MORC3: variants seen among roughly 807,000 people sequenced by gnomAD.
MORC3 encodes MORC family CW-type zinc finger 3, also known as MORC family CW-type zinc finger protein 3.
In MORC3, 31 loss-of-function variants were observed where a neutral mutation model predicts 109.1. That is an observed-to-expected ratio of 0.28 (90% CI 0.21 to 0.38). MORC3 has a LOEUF of 0.38. Ranked by LOEUF, MORC3 falls within the 10% of genes least tolerant of loss-of-function variation. MORC3 has a pLI of 1.00. For synonymous variants in MORC3, 395 were observed against 380.7 expected (o/e 1.04, Z -0.44); for missense variants, 867 against 1,135.8 (o/e 0.76, Z 3.40).
At chr21:36,334,235 G>C (rs1244468096) in intron 2 of MORC3, among the ~76,000 whole-genome samples, 1 of 152,024 alleles carries the variant, frequency 6.6e-6, no homozygotes, top group East Asian at 1.9e-4. Context: ...AGCCTGGGCA[G>C]GCGACAAAGC....
chr21:36,355,059 T>G (rs2085630381), intron 9 of MORC3, among the ~76,000 whole-genome samples: 1 of 152,216 alleles, frequency 6.6e-6, no homozygotes, highest in South Asian at 2.1e-4. Flanking sequence ...CTTTCACAGC[T>G]TTTTCTGTAC....
intron 2 of MORC3, among the ~76,000 whole-genome samples, chr21:36,336,080 C>T (rs950484585): frequency 1.5e-4 from 23 of 151,034 alleles, no homozygotes; most frequent in African/African-American, 5.4e-4. Flanking sequence ...TGCCCGCCAC[C>T]ATGCCTGGCT....
chr21:36,349,148 ACT>A (rs2085544445), intron 8 of MORC3, among the ~76,000 whole-genome samples, 161 bp from the exon 9 acceptor site: 2 of 151,814 alleles, frequency 1.3e-5, no homozygotes, highest in South Asian at 2.1e-4. Context: ...ACCAAATGAG[ACT>A]CTGTCTCAAA....
chr21:36,366,624 T>C (rs1427780806), intron 14 of MORC3, among the ~76,000 whole-genome samples: 1 of 152,092 alleles, frequency 6.6e-6, no homozygotes, highest in African/African-American at 2.4e-5. Flanking sequence ...CCTGCTAATT[T>C]ATTGTGTTGT....
intron 9 of MORC3, among the ~76,000 whole-genome samples, chr21:36,356,416 A>T (rs554069140): frequency 3.3e-5 from 5 of 152,170 alleles, no homozygotes; most frequent in South Asian, 4.1e-4. Flanking sequence ...TCTCTAAAAA[A>T]TTTTCTAATT....
chr21:36,350,243 G>A (rs1421891971), intron 9 of MORC3, among the ~76,000 whole-genome samples: 1 of 152,088 alleles, frequency 6.6e-6, no homozygotes, highest in Non-Finnish European at 1.5e-5. Context: ...GGAAGGTGGA[G>A]TGTGCAGTGA....
At chr21:36,328,337 C>T (rs111476277) in intron 1 of MORC3, among the ~76,000 whole-genome samples, 8,467 of 149,900 alleles carry the variant, frequency 0.056, 810 homozygotes, top group African/African-American at 0.19. Flanking sequence ...TAAGCCCCCC[C>T]CCGCCTTTTT....
At chr21:36,354,593 G>T (rs950513722) in intron 9 of MORC3, among the ~76,000 whole-genome samples, 1 of 152,086 alleles carries the variant, frequency 6.6e-6, no homozygotes, top group Admixed American at 6.6e-5. Context: ...GTGAGCCACC[G>T]TGCCCAGTGC....
At position 36,325,283 on chromosome 21, in the gene MORC3, A is replaced by G. The variant is rs375682129; in HGVS notation, c.39+4980A>G. Among the ~76,000 whole-genome samples, 10 of 152,232 alleles carry G rather than the reference A, an allele frequency of 6.6e-5. No homozygotes were observed. In the East Asian group the frequency reaches 1.7e-3, roughly 26 times the overall value. ...TCCAGAAAAGCCAGGCGGAATTGCT[A>G]AGAACCAAATAGAACTTTGAGAAAT... On this transcript the variant is annotated intron_variant, in intron 1 of 16. Transcript: ENST00000400485.
chr21:36,324,121 C>T (rs984703583), intron 1 of MORC3, among the ~76,000 whole-genome samples: 3 of 152,078 alleles, frequency 2.0e-5, no homozygotes, highest in African/African-American at 4.8e-5. Context: ...GTAATCTGCC[C>T]GCCCTGGCCT....
chr21:36,321,714 A>T (rs1223254494), intron 1 of MORC3, among the ~76,000 whole-genome samples: 1 of 151,224 alleles, frequency 6.6e-6, no homozygotes, highest in African/African-American at 2.4e-5. Context: ...TCTTTCCCCT[A>T]TCTCCTTTCC....
At chr21:36,365,487 A>T (rs1347967962) in intron 14 of MORC3, among the ~76,000 whole-genome samples, 2 of 152,224 alleles carry the variant, frequency 1.3e-5, no homozygotes, top group Non-Finnish European at 2.9e-5. Context: ...TCAAATTCTC[A>T]AAGGAATTTT....
chr21:36,369,782 G>T lies in MORC3; in HGVS notation c.2414G>T (p.Ser805Ile), dbSNP rs978198815. The change falls in exon 15 of 17, where the codon AGT becomes ATT. Residue 805 changes from serine (S) to isoleucine (I), a missense_variant. This residue lies in a region of MORC3 where 486 missense variants were observed against 502.1 expected (regional missense o/e 0.97). Transcript: ENST00000400485. ...AECSQCSNNE[S>I]KSEMDEMAVQ... ...TGCAGCCAGTGTTCCAATAATGAGA[G>T]TAAAAGTGAAATGGATGAGATGGCT... 1.2e-6 allele frequency: 2 copies of T among 1,614,064 alleles called. No homozygotes were observed. The highest frequency in any genetic ancestry group is 3.3e-5 in the Admixed American group (2 of 60,002).
intron 10 of MORC3, among the ~76,000 whole-genome samples, chr21:36,359,674 C>A (rs4816533): frequency 6.6e-6 from 1 of 150,780 alleles, no homozygotes; most frequent in Admixed American, 6.6e-5. Context: ...CCACCTCAGC[C>A]TCCCAAGTAG....
intron 1 of MORC3, 172 bp from the exon 2 acceptor site, chr21:36,333,474 A>G (rs2085337857): frequency 1.7e-6 from 1 of 602,140 alleles, no homozygotes; most frequent in African/African-American, 1.9e-5. Context: ...TCCCAGTGTT[A>G]TCTTCCAAGA....
At chr21:36,321,240 C>G (rs1381177326) in intron 1 of MORC3, among the ~76,000 whole-genome samples, 1 of 152,134 alleles carries the variant, frequency 6.6e-6, no homozygotes, top group East Asian at 1.9e-4. Flanking sequence ...CTGGTTTTGA[C>G]GGACTTTAAA....
chr21:36,341,813 C>T (rs2085450501), intron 6 of MORC3, among the ~76,000 whole-genome samples: 1 of 152,132 alleles, frequency 6.6e-6, no homozygotes, highest in Admixed American at 6.6e-5. Flanking sequence ...GTCGTCAGGC[C>T]TAACAATGCT....
chr21:36,327,107 C>T (rs551299642), intron 1 of MORC3, among the ~76,000 whole-genome samples: 25 of 148,314 alleles, frequency 1.7e-4, no homozygotes, highest in Non-Finnish European at 2.7e-4. Context: ...CGTGAGCCAG[C>T]GCGCCTGGCC....
In MORC3 at chr21:36,360,386, C is replaced by A; in HGVS notation, c.1406+128C>A. 8.6e-6 allele frequency: 8 copies of A among 930,792 alleles called. No homozygotes were observed. The South Asian group carries it at 1.3e-4, about 16-fold the overall frequency. The allele number at this position is 930,792 out of a possible 1,614,324, so 57.7% of individuals were successfully genotyped here. ...CTGAAAAAGTTTATAATGTGGAGTG[C>A]GTAATATCAAGGGCTTTAAAAACAA... On this transcript the variant is annotated intron_variant, in intron 12 of 16. Transcript: ENST00000400485.
Sources: gnomAD v4.1 joint callset for allele counts (sites outside exome capture counted in the v4.1 genomes callset) on GRCh38, gnomAD v4.1.1 for gene constraint, gnomAD v4.1.1 regional missense constraint, MANE v1.5 for transcripts, NCBI Gene and HGNC (gene_info 2026-07-23, HGNC 2026-07-21) for gene names.